The following ZFAND3 variants were observed in gnomAD, a reference collection of about 807,000 sequenced individuals.
The protein encoded by ZFAND3 is zinc finger AN1-type containing 3.
In ZFAND3, 10 loss-of-function variants were observed where a neutral mutation model predicts 29.6. The ratio of observed to expected loss-of-function variants is 0.34; its 90% confidence interval spans 0.21 to 0.57. The LOEUF (loss-of-function observed/expected upper bound fraction) is 0.57, where lower values mean the gene tolerates loss of function less well. ZFAND3 is among the 20% of genes least tolerant of loss of function. The pLI is 0.86. For synonymous variants in ZFAND3, 128 were observed against 112.6 expected, an observed-to-expected ratio of 1.14 and a Z score of -0.87; for missense variants, 230 against 304.5, an observed-to-expected ratio of 0.76 and a Z score of 1.82.
chr6:37,844,427 G>T (rs934287252), intron 1 of ZFAND3, among the ~76,000 whole-genome samples: 4 of 151,830 alleles, frequency 2.6e-5, no homozygotes, highest in African/African-American at 7.3e-5. Context: ...GACTACAGGC[G>T]CCCGCCACCA....
intron 1 of ZFAND3, among the ~76,000 whole-genome samples, chr6:37,866,038 G>T (rs1764584680): frequency 6.6e-6 from 1 of 151,986 alleles, no homozygotes; most frequent in African/African-American, 2.4e-5. Context: ...TATTGTCCCG[G>T]CTGGTCTCAA....
At chr6:38,114,810 C>T (rs575317535) in intron 4 of ZFAND3, among the ~76,000 whole-genome samples, 1 of 152,290 alleles carries the variant, frequency 6.6e-6, no homozygotes, top group African/African-American at 2.4e-5. Flanking sequence ...ATTAGGACTG[C>T]CTAGGAGACA....
At chr6:37,876,729 T>G (rs1434092268) in intron 1 of ZFAND3, among the ~76,000 whole-genome samples, 4 of 152,330 alleles carry the variant, frequency 2.6e-5, no homozygotes, top group Non-Finnish European at 5.9e-5. Context: ...GGAGTGTGGT[T>G]GAAAGAGCAG....
At chr6:38,063,811 A>G (rs1764289096) in intron 3 of ZFAND3, among the ~76,000 whole-genome samples, 1 of 152,214 alleles carries the variant, frequency 6.6e-6, no homozygotes, top group Non-Finnish European at 1.5e-5. Flanking sequence ...AGGAGGTGAT[A>G]TTATTACAGT....
At chr6:38,081,918 T>A (rs1271187286) in intron 3 of ZFAND3, among the ~76,000 whole-genome samples, 1 of 152,134 alleles carries the variant, frequency 6.6e-6, no homozygotes, top group Non-Finnish European at 1.5e-5. Flanking sequence ...ACAAGCAGTT[T>A]ATTGTTTCTT....
At chr6:38,079,115 G>C (rs1764608895) in intron 3 of ZFAND3, among the ~76,000 whole-genome samples, 1 of 152,206 alleles carries the variant, frequency 6.6e-6, no homozygotes, top group Non-Finnish European at 1.5e-5. Context: ...AGCGCAATTA[G>C]TGTAGAATAT....
At chr6:37,820,249 C>G (rs909735577) in intron 1 of ZFAND3, among the ~76,000 whole-genome samples, 16 of 151,926 alleles carry the variant, frequency 1.1e-4, no homozygotes, top group Admixed American at 8.5e-4. Flanking sequence ...ACTCGCCGGC[C>G]TGAAGCTCGG....
intron 1 of ZFAND3, among the ~76,000 whole-genome samples, chr6:37,922,449 A>C (rs756090148): frequency 6.6e-6 from 1 of 152,224 alleles, no homozygotes; most frequent in African/African-American, 2.4e-5. Context: ...AAATTGAAAA[A>C]ATGATATCTG....
chr6:38,139,677 C>T (rs78861620), intron 5 of ZFAND3, among the ~76,000 whole-genome samples: 1 of 152,154 alleles, frequency 6.6e-6, no homozygotes, highest in Non-Finnish European at 1.5e-5. Context: ...ACGGTAATCA[C>T]AGACAGGGCT....
chr6:38,118,465 G>C (rs908186872), intron 5 of ZFAND3, among the ~76,000 whole-genome samples: 1 of 151,950 alleles, frequency 6.6e-6, no homozygotes, highest in Non-Finnish European at 1.5e-5. Context: ...TAGGCTTTTG[G>C]TTGTTCCTCA....
At chr6:37,846,704 A>ATTTTTTTTTT (rs59448343) in intron 1 of ZFAND3, among the ~76,000 whole-genome samples, 1 of 140,898 alleles carries the variant, frequency 7.1e-6, no homozygotes. Flanking sequence ...TATACTTGTG[A>ATTTTTTTTTT]TTTTTTTTTT....
chr6:37,910,930 A>G (rs1765509471), intron 1 of ZFAND3, among the ~76,000 whole-genome samples: 1 of 152,122 alleles, frequency 6.6e-6, no homozygotes, highest in South Asian at 2.1e-4. Flanking sequence ...GTCACATTTT[A>G]TCCATGCATC....
chr6:38,053,064 A>T (rs1764059738), intron 2 of ZFAND3, among the ~76,000 whole-genome samples: 2 of 152,024 alleles, frequency 1.3e-5, no homozygotes, highest in South Asian at 4.1e-4. Context: ...AGAAAAAAAA[A>T]ATAGCACTTC....
chr6:38,118,765 A>AAAG (rs1765469334), intron 5 of ZFAND3, among the ~76,000 whole-genome samples: 1 of 27,466 alleles, frequency 3.6e-5, no homozygotes, highest in Non-Finnish European at 1.3e-4. Flanking sequence ...GAAAAAAAAG[A>AAAG]AAAAAAAAAA....
intron 4 of ZFAND3, among the ~76,000 whole-genome samples, chr6:38,096,566 G>T (rs921504201): frequency 1.3e-5 from 2 of 152,218 alleles, no homozygotes; most frequent in African/African-American, 4.8e-5. Context: ...TACTTGCTAG[G>T]TCCCTTAGAT....
rs34072361 is a variant in ZFAND3 at position 37,860,178 on chromosome 6, GTTTT to G, written c.71+40177_71+40180del. 6.5e-5 allele frequency among the ~76,000 whole-genome samples: 8 copies of G among 122,810 alleles called. No homozygotes were observed. In the East Asian group the frequency reaches 1.9e-3, roughly 29 times the overall value. The allele number at this position is 122,810 out of a possible 152,430, so 80.6% of individuals were successfully genotyped here. A position where few individuals can be genotyped will look rare whatever the true frequency, so the allele number is the denominator to read the frequency against. ...GAACCACCGTGCCAGGCCAAAAAGA[GTTTT>G]TTTTTTTTTTTTTTGGAATGTACCT... On this transcript the variant is annotated intron_variant, in intron 1 of 5. Coordinates refer to ENST00000287218, the MANE Select transcript of ZFAND3 (RefSeq NM_021943.3).
At chr6:37,881,878 C>G (rs928681434) in intron 1 of ZFAND3, among the ~76,000 whole-genome samples, 2 of 151,902 alleles carry the variant, frequency 1.3e-5, no homozygotes, top group Non-Finnish European at 2.9e-5. Flanking sequence ...CCTTTGGATG[C>G]TAGTATATGG....
At chr6:37,897,972 A>G (rs1765250454) in intron 1 of ZFAND3, among the ~76,000 whole-genome samples, 1 of 152,168 alleles carries the variant, frequency 6.6e-6, no homozygotes. Flanking sequence ...TATTGCAGCT[A>G]TCTTCTCCCA....
At chr6:38,105,874 C>G (rs148814298) in intron 4 of ZFAND3, among the ~76,000 whole-genome samples, 1 of 151,976 alleles carries the variant, frequency 6.6e-6, no homozygotes, top group Admixed American at 6.6e-5. Context: ...AACAGACAGA[C>G]CAATATTAGG....
Sources: allele counts gnomAD v4.1 joint callset (sites outside exome capture counted in the v4.1 genomes callset), GRCh38; gene constraint gnomAD v4.1.1; transcripts MANE v1.5; gene names NCBI Gene and HGNC (gene_info 2026-07-23, HGNC 2026-07-21).